The following SP7 variants were observed in gnomAD, a reference collection of about 807,000 sequenced individuals.
The protein encoded by SP7 is transcription factor Sp7.
A neutral mutation model predicts 27.9 loss-of-function variants in SP7; 13 were observed. The ratio of observed to expected loss-of-function variants is 0.47; its 90% CI spans 0.30 to 0.74. The LOEUF (loss-of-function observed/expected upper bound fraction) is 0.74. Ranked by LOEUF, SP7 falls within the 30% of genes least tolerant of loss-of-function variation. The pLI is 0.06. For missense variants in SP7, 525 were observed against 558.0 expected (o/e 0.94, Z 0.60); for synonymous variants, 219 against 226.7 (o/e 0.97, Z 0.31).
At chr12:53,330,800 G>C (rs577140358) in intron 2 of SP7, among the ~76,000 whole-genome samples, 1 of 152,322 alleles carries the variant, frequency 6.6e-6, no homozygotes, top group South Asian at 2.1e-4. Flanking sequence ...TTGTCTCCCT[G>C]AGGTCCAATC....
chr12:53,335,547 A>G, intron 2 of SP7, 79 bp downstream of exon 2: 1 of 757,458 alleles, frequency 1.3e-6, no homozygotes, highest in South Asian at 1.5e-5. Context: ...TATCTATGTG[A>G]GTTGGAGGAG....
rs146173431 is a variant in SP7, at chr12:53,326,710, G to A, written c.*1436C>T. ...TAACTTGGGGCCTTGAGACAGCAGG[G>A]GACAGAAAAGGAGGATCCAACGTTA... On this transcript the variant is annotated 3_prime_UTR_variant, in exon 3 of 3. Transcript: ENST00000536324. 1,367 of 152,592 alleles carry A rather than the reference G, an allele frequency of 9.0e-3. 7 individuals are homozygous for A. Among genetic ancestry groups the A allele is most frequent in the Non-Finnish European group, 0.014 (942 of 68,014 alleles). The allele number at this position is 152,592 out of a possible 1,614,324, so 9.5% of individuals were successfully genotyped here.
At position 53,335,677 on chromosome 12, in the gene SP7, C is replaced by G; in HGVS notation, c.-31G>C. 1 of 1,343,890 alleles carries G rather than the reference C, an allele frequency of 7.4e-7. No homozygotes were observed. The highest frequency in any genetic ancestry group is 1.0e-6 in the Non-Finnish European group (1 of 990,238). 83.2% of individuals were successfully genotyped at this position (1,343,890 alleles called of 1,614,324 possible). On this transcript the variant is annotated 5_prime_UTR_variant, in exon 2 of 3. Transcript: ENST00000536324. ...GGCTGGGGAACGGGTCCCAAGGAGC[C>G]AGGCAGATGGAGAGAGCTGAGCCGG...
In SP7 at chr12:53,329,083, T is replaced by G. The variant is rs1194702276; in HGVS notation, c.359A>C (p.Asp120Ala). The G allele has an allele frequency of 6.2e-7, 1 of 1,613,700 alleles. No individual in the cohort carries two copies. Among genetic ancestry groups the G allele is most frequent in the South Asian group, 1.1e-5 (1 of 91,076 alleles). ...LLVPKGHSSS[D>A]CLPSVYTSLD... ...AGAGGTGTAGACACTGGGCAGACAGTCAGAAGAGCTGTGCCCCTTGGGCAC... is the reference window on the plus strand; with the variant it reads ...AGAGGTGTAGACACTGGGCAGACAGGCAGAAGAGCTGTGCCCCTTGGGCAC... The change falls in exon 3 of 3, where the codon GAC becomes GCC. Residue 120 changes from aspartate (D) to alanine (A), a missense_variant. Transcript: ENST00000536324.
chr12:53,329,072 T>G lies in SP7; in HGVS notation c.370A>C (p.Ser124Arg). The G allele has an allele frequency of 1.2e-6, 2 of 1,613,834 alleles. No homozygotes were observed. The highest frequency in any genetic ancestry group is 1.7e-6 in the Non-Finnish European group (2 of 1,179,870). ...GTCATGTCCAGAGAGGTGTAGACAC[T>G]GGGCAGACAGTCAGAAGAGCTGTGC... is the stretch of plus-strand genomic sequence containing the variant. ...KGHSSSDCLP[S>R]VYTSLDMTHP... The change falls in exon 3 of 3, where the codon AGT (serine) becomes CGT (arginine). Residue 124 changes from serine (S) to arginine (R), a missense_variant. By Grantham distance (110) the Ser-to-Arg change is moderately radical. Transcript: ENST00000536324.
intron 2 of SP7, among the ~76,000 whole-genome samples, chr12:53,333,113 A>AC (rs902655359): frequency 2.6e-5 from 4 of 152,194 alleles, no homozygotes; most frequent in Non-Finnish European, 5.9e-5. Flanking sequence ...GAGGAACCAG[A>AC]CCCACTCAGA....
intron 1 of SP7, among the ~76,000 whole-genome samples, chr12:53,342,359 AAAG>A (rs1944831576): frequency 6.6e-6 from 1 of 152,248 alleles, no homozygotes; most frequent in African/African-American, 2.4e-5. Context: ...GAATGAACTT[AAAG>A]AACATTCTTT....
chr12:53,339,862 C>T (rs1236508307), upstream of SP7, among the ~76,000 whole-genome samples: 2 of 152,070 alleles, frequency 1.3e-5, no homozygotes, highest in African/African-American at 4.8e-5. Context: ...CTCTAAGAGC[C>T]TCATCCAAAG....
chr12:53,332,108 G>A (rs1465064377), intron 2 of SP7, among the ~76,000 whole-genome samples: 3 of 152,134 alleles, frequency 2.0e-5, no homozygotes, highest in East Asian at 1.9e-4. Context: ...TCCAAGCAGC[G>A]GGTGAGCTAT....
upstream of SP7, among the ~76,000 whole-genome samples, chr12:53,337,257 A>T (rs186037497): frequency 6.6e-6 from 1 of 152,158 alleles, no homozygotes; most frequent in African/African-American, 2.4e-5. Context: ...TCCCTTTCTC[A>T]TTGCCATGCA....
chr12:53,339,098 G>A (rs1315922904), upstream of SP7, among the ~76,000 whole-genome samples: 1 of 152,118 alleles, frequency 6.6e-6, no homozygotes, highest in Non-Finnish European at 1.5e-5. Flanking sequence ...AGAGGCTGCG[G>A]CTCTGGTCCT....
intron 2 of SP7, among the ~76,000 whole-genome samples, chr12:53,330,882 A>C (rs1413217649): frequency 6.6e-6 from 1 of 152,208 alleles, no homozygotes; most frequent in South Asian, 2.1e-4. Context: ...TGGTGGAGAC[A>C]CTGGGACATT....
At chr12:53,334,238 T>C (rs1944739834) in intron 2 of SP7, among the ~76,000 whole-genome samples, 1 of 152,012 alleles carries the variant, frequency 6.6e-6, no homozygotes, top group African/African-American at 2.4e-5. Context: ...GCTTGCATGC[T>C]ATTCCCCCAA....
upstream of SP7, among the ~76,000 whole-genome samples, chr12:53,339,949 G>C (rs1159216630): frequency 6.6e-6 from 1 of 152,180 alleles, no homozygotes; most frequent in African/African-American, 2.4e-5. Flanking sequence ...ATAGTGAGCA[G>C]AGCCCCTGAA....
upstream of SP7, among the ~76,000 whole-genome samples, chr12:53,341,075 G>C (rs1944818288): frequency 6.6e-6 from 1 of 152,178 alleles, no homozygotes; most frequent in Non-Finnish European, 1.5e-5. Context: ...TAAGAGGCTG[G>C]CAACCTTTGT....
intron 2 of SP7, among the ~76,000 whole-genome samples, chr12:53,331,709 C>CAGTT (rs1944707621): frequency 6.6e-6 from 1 of 152,106 alleles, no homozygotes; most frequent in African/African-American, 2.4e-5. Context: ...TACCCCTATA[C>CAGTT]AGTTATATGG....
chr12:53,327,974 T>A lies in SP7; in HGVS notation c.*172A>T. On this transcript the variant is annotated 3_prime_UTR_variant, in exon 3 of 3. Coordinates refer to ENST00000536324, the MANE Select transcript of SP7 (RefSeq NM_001173467.3). ...CTCATGGTGAAGAGAGAAGGTGAGC[T>A]GAGGAGGCATGCAAGGAGATACCCA... The A allele has an allele frequency of 1.6e-6, 1 of 621,964 alleles. No homozygotes were observed. The highest frequency in any genetic ancestry group is 2.1e-5 in the South Asian group (1 of 46,844). 38.5% of individuals were successfully genotyped at this position (621,964 alleles called of 1,614,324 possible).
In SP7 at chr12:53,329,373, C is replaced by T. The variant is rs367575052; in HGVS notation, c.69G>A (p.Ala23=). 1.6e-5 allele frequency: 26 copies of T among 1,613,838 alleles called. No individual in the cohort carries two copies. The highest frequency in any genetic ancestry group is 1.2e-4 in the African/African-American group (9 of 74,890). The change falls in exon 3 of 3, where the codon GCG becomes GCA. Residue 23 remains alanine, a synonymous_variant. Coordinates refer to ENST00000536324, the MANE Select transcript of SP7 (RefSeq NM_001173467.3). Reference sequence around the variant, plus strand: ...GGCTAGAGCCACCAAATTTGCTGCACGCTGCCGTCAGCATGGCCAGGGGAC... The same window carrying T: ...GGCTAGAGCCACCAAATTTGCTGCATGCTGCCGTCAGCATGGCCAGGGGAC... ...GSSPLAMLTA[A]CSKFGGSSPL...
chr12:53,334,698 GC>G (rs982961180), intron 2 of SP7, among the ~76,000 whole-genome samples: 4 of 152,232 alleles, frequency 2.6e-5, no homozygotes, highest in African/African-American at 9.6e-5. Flanking sequence ...AGACCCAGAA[GC>G]AGGGAGGAAT....
Sources: allele counts gnomAD v4.1 joint callset (sites outside exome capture counted in the v4.1 genomes callset), GRCh38; gene constraint gnomAD v4.1.1; transcripts MANE v1.5; gene names NCBI Gene and HGNC (gene_info 2026-07-23, HGNC 2026-07-21).